Variants in FBXL17 observed in about 807,000 individuals in gnomAD.
FBXL17 encodes F-box/LRR-repeat protein 17.
In FBXL17, 22 loss-of-function variants were observed where a neutral mutation model predicts 66.2. The observed-to-expected ratio is 0.33, with a 90% CI of 0.24 to 0.47. FBXL17 has a LOEUF of 0.47. FBXL17 is among the 20% of genes least tolerant of loss of function. The pLI, the probability that FBXL17 is intolerant of heterozygous loss-of-function variation, is 1.00. For synonymous variants in FBXL17, 474 were observed against 400.5 expected (o/e 1.18, Z -2.19); for missense variants, 878 against 948.2 (o/e 0.93, Z 0.97).
At chr5:107,981,130 C>T (rs1752808600) in intron 7 of FBXL17, among the ~76,000 whole-genome samples, 1 of 152,084 alleles carries the variant, frequency 6.6e-6, no homozygotes, top group Non-Finnish European at 1.5e-5. Flanking sequence ...CAGGCAACGT[C>T]ACAGAAACTG....
chr5:108,290,387 A>G (rs557983613), intron 4 of FBXL17, among the ~76,000 whole-genome samples: 7 of 152,190 alleles, frequency 4.6e-5, no homozygotes, highest in Non-Finnish European at 8.8e-5. Context: ...TTTTTACCCC[A>G]TGTCTCGTGA....
chr5:108,315,002 A>G (rs1402999688), intron 4 of FBXL17, among the ~76,000 whole-genome samples: 1 of 150,940 alleles, frequency 6.6e-6, no homozygotes. Context: ...TAAACAACAA[A>G]CACCATTATT....
intron 4 of FBXL17, among the ~76,000 whole-genome samples, chr5:108,317,353 A>G (rs549702520): frequency 1.7e-4 from 26 of 150,492 alleles, no homozygotes; most frequent in Admixed American, 1.1e-3. Context: ...TTTAACTAGA[A>G]AAGATCTGTA....
intron 4 of FBXL17, among the ~76,000 whole-genome samples, chr5:108,260,414 A>C (rs750027803): frequency 5.9e-5 from 9 of 152,158 alleles, no homozygotes; most frequent in Admixed American, 2.0e-4. Context: ...CCAGGAAATA[A>C]GAATTGATCT....
chr5:108,090,983 G>A (rs1749166241), intron 6 of FBXL17, among the ~76,000 whole-genome samples: 1 of 152,186 alleles, frequency 6.6e-6, no homozygotes, highest in Non-Finnish European at 1.5e-5. Flanking sequence ...GTGCCACTAA[G>A]TTTTTGTTGT....
chr5:108,125,881 C>T (rs921218930), intron 6 of FBXL17, among the ~76,000 whole-genome samples: 4 of 152,094 alleles, frequency 2.6e-5, no homozygotes, highest in East Asian at 3.9e-4. Context: ...TATTTTTAGT[C>T]GTATATGCCC....
At chr5:107,884,493 G>C (rs1169592119) in intron 7 of FBXL17, among the ~76,000 whole-genome samples, 1 of 152,314 alleles carries the variant, frequency 6.6e-6, no homozygotes, top group African/African-American at 2.4e-5. Context: ...GGTCAGAACG[G>C]ATTTCTCTTT....
chr5:108,096,259 G>C (rs1749363810), intron 6 of FBXL17, among the ~76,000 whole-genome samples: 1 of 152,202 alleles, frequency 6.6e-6, no homozygotes, highest in Non-Finnish European at 1.5e-5. Flanking sequence ...AGCTCAGTAA[G>C]AAGCCATTAA....
At chr5:108,273,254 G>A (rs1182792361) in intron 4 of FBXL17, among the ~76,000 whole-genome samples, 3 of 152,036 alleles carry the variant, frequency 2.0e-5, no homozygotes, top group Admixed American at 1.3e-4. Context: ...ACGAGTTAAT[G>A]GGTGCAGCAC....
intron 4 of FBXL17, among the ~76,000 whole-genome samples, chr5:108,270,865 G>A (rs2150137305): frequency 6.6e-6 from 1 of 152,028 alleles, no homozygotes; most frequent in Non-Finnish European, 1.5e-5. Flanking sequence ...TTATGAGGAG[G>A]GGGGAAAACC....
At chr5:107,996,008 C>T (rs1361356305) in intron 7 of FBXL17, among the ~76,000 whole-genome samples, 2 of 151,920 alleles carry the variant, frequency 1.3e-5, no homozygotes, top group African/African-American at 4.9e-5. Context: ...CTTAAAGCTA[C>T]AGCTATATGT....
chr5:107,969,564 C>A (rs376197035), intron 7 of FBXL17, among the ~76,000 whole-genome samples: 14 of 152,070 alleles, frequency 9.2e-5, no homozygotes, highest in Non-Finnish European at 1.8e-4. Context: ...AATTCAGATG[C>A]CCTTGTTAAA....
intron 4 of FBXL17, among the ~76,000 whole-genome samples, chr5:108,271,962 T>C (rs1477371536): frequency 2.0e-5 from 3 of 152,152 alleles, no homozygotes; most frequent in Non-Finnish European, 4.4e-5. Context: ...GAAGACTAAA[T>C]GAGCTAATAC....
intron 7 of FBXL17, among the ~76,000 whole-genome samples, chr5:107,910,947 C>T (rs1447980650): frequency 2.0e-5 from 3 of 152,012 alleles, no homozygotes; most frequent in African/African-American, 4.8e-5. Flanking sequence ...AAATCTAATG[C>T]TATAAATACG....
intron 8 of FBXL17, among the ~76,000 whole-genome samples, chr5:107,872,607 C>T (rs956009441): frequency 2.6e-5 from 4 of 152,126 alleles, no homozygotes; most frequent in African/African-American, 9.7e-5. Flanking sequence ...CTAGTATGTA[C>T]CAGCCACTGT....
intron 4 of FBXL17, among the ~76,000 whole-genome samples, chr5:108,325,670 T>C (rs1759815412): frequency 6.6e-6 from 1 of 152,096 alleles, no homozygotes; most frequent in African/African-American, 2.4e-5. Context: ...AAACAGTAAA[T>C]ACCCTATTTG....
At chr5:107,988,159 CAGA>C (rs1366869965) in intron 7 of FBXL17, among the ~76,000 whole-genome samples, 1 of 151,962 alleles carries the variant, frequency 6.6e-6, no homozygotes, top group Non-Finnish European at 1.5e-5. Context: ...ACGAGATATT[CAGA>C]AGTCCTCTTC....
chr5:108,177,030 C>A (rs1036519339), intron 6 of FBXL17, among the ~76,000 whole-genome samples: 4 of 152,116 alleles, frequency 2.6e-5, no homozygotes, highest in African/African-American at 9.6e-5. Context: ...AATTGAAAGA[C>A]AACTTATTCA....
At chr5:108,378,333 GTTTT>G (rs982551784) in intron 1 of FBXL17, among the ~76,000 whole-genome samples, 6 of 133,540 alleles carry the variant, frequency 4.5e-5, no homozygotes, top group Admixed American at 7.2e-5. Flanking sequence ...TTTGTTTTTT[GTTTT>G]TTTGTTTTGT....
Sources: gnomAD v4.1 joint callset for allele counts (sites outside exome capture counted in the v4.1 genomes callset) on GRCh38, gnomAD v4.1.1 for gene constraint, MANE v1.5 for transcripts, NCBI Gene and HGNC (gene_info 2026-07-23, HGNC 2026-07-21) for gene names.